The following ERFE variants were observed in gnomAD, a reference collection of about 807,000 sequenced individuals.
ERFE encodes complement C1q tumor necrosis factor-related protein 15.
Under a neutral mutation model 26.6 loss-of-function variants are expected in ERFE, and 25 were observed. The observed-to-expected ratio is 0.94, with a 90% CI of 0.69 to 1.31. ERFE has a LOEUF of 1.31. Among genes scored for constraint, ERFE ranks in the 40% most tolerant of loss-of-function variants. The pLI, the probability that ERFE is intolerant of heterozygous loss-of-function variation, is 0.00. For missense variants in ERFE, 447 were observed against 440.2 expected (o/e 1.02, Z -0.14); for synonymous variants, 206 against 204.5 (o/e 1.01, Z -0.06).
chr2:238,163,911 C>T lies in ERFE; in HGVS notation c.599C>T (p.Pro200Leu). The change falls in exon 4 of 8, where the codon CCG (proline) becomes CTG (leucine). Residue 200 changes from proline to leucine, a missense_variant. Pro to Leu is a moderately conservative substitution (Grantham distance 98). Coordinates refer to ENST00000546354, the MANE Select transcript of ERFE (RefSeq NM_001291832.2). ...CCCCTGGCCCCGGGGCCGCGGGCGC[C>T]GCGCGTGGAGGCCGCTTTCCTCTGC... is the stretch of plus-strand genomic sequence containing the variant. ...AAPLAPGPRAPRVEAAFLCRL... is the reference protein window; with the variant it reads ...AAPLAPGPRALRVEAAFLCRL... The T allele has an allele frequency of 3.0e-6, 4 of 1,323,230 alleles. No homozygotes were observed. The highest frequency in any genetic ancestry group is 3.8e-6 in the Non-Finnish European group (4 of 1,046,018). The allele number at this position is 1,323,230 out of a possible 1,614,324, so 82.0% of individuals were successfully genotyped here. A position where few individuals can be genotyped will look rare whatever the true frequency, so the allele number is the denominator to read the frequency against.
At chr2:238,164,594 C>A in intron 6 of ERFE, 1 of 533,166 alleles carries the variant, frequency 1.9e-6, no homozygotes. Context: ...GTGGCTCACG[C>A]CTGTAATCGC....
At chr2:238,160,472 G>C (rs1055504687) in intron 1 of ERFE, among the ~76,000 whole-genome samples, 2 of 152,154 alleles carry the variant, frequency 1.3e-5, no homozygotes, top group Non-Finnish European at 2.9e-5. Context: ...AGAGGGTCCT[G>C]GGAGGGGGTA....
In ERFE at chr2:238,163,988, G is replaced by A. The variant is rs891517365; in HGVS notation, c.676G>A (p.Val226Ile). 60 of 1,389,730 alleles carry A rather than the reference G, an allele frequency of 4.3e-5. No individual in the cohort carries two copies. The highest frequency in any genetic ancestry group is 5.0e-5 in the Non-Finnish European group (54 of 1,078,698). The allele number at this position is 1,389,730 out of a possible 1,614,324, so 86.1% of individuals were successfully genotyped here. A position where few individuals can be genotyped will look rare whatever the true frequency, so the allele number is the denominator to read the frequency against. ...VERRALHELG[V>I]YYLPDAEGAF... The stretch of plus-strand genomic sequence containing the variant: ...GCGGCGCGCGCTGCACGAGCTTGGC[G>A]TCTACTACCTGGTGAGTGCCGGCGC... Residue 226 changes from valine to isoleucine, a missense_variant, in exon 4 of 8, where the codon GTC becomes ATC. Physicochemically the swap from Val to Ile is conservative, Grantham distance 29. Transcript: ENST00000546354.
Position 238,164,380 on chromosome 2 carries a change from GA to G in ERFE, c.887+21del. 1 of 1,542,014 alleles carries G rather than the reference GA, an allele frequency of 6.5e-7. No homozygotes were observed. Among genetic ancestry groups the G allele is most frequent in the Non-Finnish European group, 8.7e-7 (1 of 1,144,764 alleles). The stretch of plus-strand genomic sequence containing the variant: ...CAACGCGTGAGTGTACCCCGGCCCG[GA>G]CCCCACACCCGCATTCGCTCGGCCT... On this transcript the variant is annotated intron_variant, in intron 6 of 7. Transcript: ENST00000546354.
intron 1 of ERFE, among the ~76,000 whole-genome samples, chr2:238,160,641 C>T (rs1328668372): frequency 1.3e-5 from 2 of 152,198 alleles, no homozygotes; most frequent in Admixed American, 6.5e-5. Flanking sequence ...CCCTGGCCTG[C>T]GCATTGGTCA....
chr2:238,164,310 G>T lies in ERFE; in HGVS notation c.837G>T (p.Arg279=). Residue 279 remains arginine (R), a synonymous_variant, in exon 6 of 8, where the codon CGG becomes CGT. Transcript: ENST00000546354. The part of the protein sequence containing the change: ...EPPRRGPPRP[R]DHLRLLICIQ... ...CGAGGAGGGGGCCGCCGCGCCCCCG[G>T]GACCACCTGCGCCTGCTCATCTGCA... is the stretch of plus-strand genomic sequence containing the variant. 1 of 1,524,866 alleles carries T rather than the reference G, an allele frequency of 6.6e-7. No individual in the cohort carries two copies. 94.5% of individuals were successfully genotyped at this position (1,524,866 alleles called of 1,614,324 possible).
In ERFE at chr2:238,168,118, G is replaced by A. The variant is rs1458052557; in HGVS notation, c.*1064G>A. The A allele has an allele frequency of 1.7e-5, 4 of 230,524 alleles. No homozygotes were observed. The highest frequency in any genetic ancestry group is 1.1e-4 in the South Asian group (2 of 18,764). 14.3% of individuals were successfully genotyped at this position (230,524 alleles called of 1,614,324 possible). A position where few individuals can be genotyped will look rare whatever the true frequency, so the allele number is the denominator to read the frequency against. ...ACGAGAGATGGTCCCGAGAAAGGGT[G>A]GTCTTGGGAGGGCTGGTCCCAAGCC... On this transcript the variant is annotated 3_prime_UTR_variant, in exon 8 of 8. Coordinates refer to ENST00000546354, the MANE Select transcript of ERFE (RefSeq NM_001291832.2).
In ERFE at chr2:238,163,721, G is replaced by T. The variant is rs1290447967; in HGVS notation, c.425-16G>T. ...GAGGGGTCCCTGGCGCGCGGCCACC[G>T]CTCGCTCTGTGCCAGGTGCGGTGCG... On this transcript the variant is annotated splice_polypyrimidine_tract_variant and intron_variant, in intron 3 of 7. Coordinates refer to ENST00000546354, the MANE Select transcript of ERFE (RefSeq NM_001291832.2). 7.8e-6 allele frequency: 10 copies of T among 1,289,716 alleles called. No homozygotes were observed. The African/African-American group carries it at 9.3e-5, about 12-fold the overall frequency. The allele number at this position is 1,289,716 out of a possible 1,614,324, so 79.9% of individuals were successfully genotyped here.
chr2:238,164,022 G>A (rs1420329523), intron 4 of ERFE, 23 bp downstream of exon 4: 3 of 1,375,522 alleles, frequency 2.2e-6, no homozygotes, highest in Non-Finnish European at 2.8e-6. Flanking sequence ...GCGCGGGAGG[G>A]CGGGTGAGTC....
intron 1 of ERFE, among the ~76,000 whole-genome samples, chr2:238,161,048 G>T (rs1040360030): frequency 6.6e-6 from 1 of 152,228 alleles, no homozygotes; most frequent in African/African-American, 2.4e-5. Flanking sequence ...AGCTCGCCTG[G>T]TCCTCTCCCC....
intron 6 of ERFE, chr2:238,164,846 G>A (rs752967701): frequency 5.1e-5 from 8 of 158,308 alleles, no homozygotes; most frequent in Admixed American, 2.6e-4. Context: ...GCGAGACTCC[G>A]TCTCAAAAAA....
chr2:238,159,731 C>T (rs1692910132), intron 1 of ERFE, among the ~76,000 whole-genome samples: 1 of 152,190 alleles, frequency 6.6e-6, no homozygotes, highest in Admixed American at 6.5e-5. Context: ...GCCCTGCCCC[C>T]TCCTCTCCAG....
At position 238,166,956 on chromosome 2, in the gene ERFE, A is replaced by G. The variant is rs1274700715; in HGVS notation, c.967A>G (p.Met323Val). Residue 323 changes from methionine to valine, a missense_variant and splice_region_variant, in exon 8 of 8, where the codon ATG (methionine) becomes GTG (valine). Physicochemically the swap from Met to Val is conservative, Grantham distance 21. Coordinates refer to ENST00000546354, the MANE Select transcript of ERFE (RefSeq NM_001291832.2). ...ISVNGVLYLQ[M>V]GQWTSVFLDN... ...TGCCTCAAAGGCACCCTCCTTGCAG[A>G]TGGGGCAGTGGACCTCCGTGTTCTT... 2 of 1,550,200 alleles carry G rather than the reference A, an allele frequency of 1.3e-6. No individual in the cohort carries two copies. The highest frequency in any genetic ancestry group is 2.7e-5 in the African/African-American group (2 of 73,042).
intron 1 of ERFE, among the ~76,000 whole-genome samples, chr2:238,159,412 G>A (rs988285126): frequency 1.7e-4 from 26 of 152,256 alleles, no homozygotes; most frequent in African/African-American, 6.3e-4. Context: ...TTGGCTTTGG[G>A]GTAGTTTGAC....
At position 238,164,317 on chromosome 2, in the gene ERFE, C is replaced by G; in HGVS notation, c.844C>G (p.Leu282Val). 6.5e-7 allele frequency: 1 copy of G among 1,532,980 alleles called. No homozygotes were observed. The highest frequency in any genetic ancestry group is 8.7e-7 in the Non-Finnish European group (1 of 1,142,964). The allele number at this position is 1,532,980 out of a possible 1,614,324, so 95.0% of individuals were successfully genotyped here. Residue 282 changes from leucine (L) to valine (V), a missense_variant, in exon 6 of 8, where the codon CTG (leucine) becomes GTG (valine). By Grantham distance (32) the Leu-to-Val change is conservative (BLOSUM62 1). Transcript: ENST00000546354. Reference sequence around the variant, plus strand: ...GGGGCCGCCGCGCCCCCGGGACCACCTGCGCCTGCTCATCTGCATCCAGTC... The same window carrying G: ...GGGGCCGCCGCGCCCCCGGGACCACGTGCGCCTGCTCATCTGCATCCAGTC... Reference protein sequence around the residue: ...RRGPPRPRDHLRLLICIQSRC... With the variant: ...RRGPPRPRDHVRLLICIQSRC...
chr2:238,163,732 G>A lies in ERFE; in HGVS notation c.425-5G>A, dbSNP rs1365507050. ...GGCGCGCGGCCACCGCTCGCTCTGT[G>A]CCAGGTGCGGTGCGGCAGCGGGAGC... On this transcript the variant is annotated splice_polypyrimidine_tract_variant and splice_region_variant and intron_variant, in intron 3 of 7. Coordinates refer to ENST00000546354, the MANE Select transcript of ERFE (RefSeq NM_001291832.2). 4 of 1,331,330 alleles carry A rather than the reference G, an allele frequency of 3.0e-6. No individual in the cohort carries two copies. The highest frequency in any genetic ancestry group is 3.8e-6 in the Non-Finnish European group (4 of 1,047,168). 82.5% of individuals were successfully genotyped at this position (1,331,330 alleles called of 1,614,324 possible). A position where few individuals can be genotyped will look rare whatever the true frequency, so the allele number is the denominator to read the frequency against.
chr2:238,160,340 C>G (rs1692919274), intron 1 of ERFE, among the ~76,000 whole-genome samples: 1 of 152,224 alleles, frequency 6.6e-6, no homozygotes, highest in South Asian at 2.1e-4. Flanking sequence ...GCAAACCACA[C>G]TGGGGTCAGG....
rs1013081190 is a variant in ERFE, at chr2:238,165,463, T to A, written c.888-143T>A. ...TCCTTCCTCCTCTTGGGGACTCGGT[T>A]CAGACACCACCTCCACTGGAAGACC... is the stretch of plus-strand genomic sequence containing the variant. On this transcript the variant is annotated intron_variant, in intron 6 of 7. Transcript: ENST00000546354. The A allele has an allele frequency of 2.1e-5, 14 of 665,986 alleles. No individual in the cohort carries two copies. The African/African-American group carries it at 2.5e-4, about 12-fold the overall frequency. The allele number at this position is 665,986 out of a possible 1,614,324, so 41.3% of individuals were successfully genotyped here.
chr2:238,160,457 G>A (rs936691142), intron 1 of ERFE, among the ~76,000 whole-genome samples: 25 of 152,208 alleles, frequency 1.6e-4, no homozygotes, highest in African/African-American at 6.0e-4. Flanking sequence ...CACACAGGAA[G>A]TGGAAGAGGG....
Sources: gnomAD v4.1 joint callset for allele counts (sites outside exome capture counted in the v4.1 genomes callset) on GRCh38, gnomAD v4.1.1 for gene constraint, MANE v1.5 for transcripts, NCBI Gene and HGNC (gene_info 2026-07-23, HGNC 2026-07-21) for gene names.